CECR2: variants seen among roughly 807,000 people sequenced by gnomAD.
The protein encoded by CECR2 is CECR2 histone acetyl-lysine reader.
Under a neutral mutation model 154.5 loss-of-function variants are expected in CECR2, and 30 were observed. The ratio of observed to expected loss-of-function variants is 0.19; its 90% CI spans 0.15 to 0.26. CECR2 has a LOEUF of 0.26. Among genes scored for constraint, CECR2 ranks in the 10% least tolerant of loss-of-function variants. CECR2 has a pLI of 1.00. For synonymous variants in CECR2, 725 were observed against 683.7 expected (o/e 1.06, Z -0.94); for missense variants, 1,743 against 1,829.3 (o/e 0.95, Z 0.86).
intron 6 of CECR2, among the ~76,000 whole-genome samples, chr22:17,503,809 G>A (rs2055783096): frequency 6.6e-6 from 1 of 152,096 alleles, no homozygotes; most frequent in South Asian, 2.1e-4. Flanking sequence ...CACTTTGGGA[G>A]GTCGAGGTGG....
At chr22:17,440,155 A>G (rs2054563099) in intron 1 of CECR2, among the ~76,000 whole-genome samples, 1 of 152,134 alleles carries the variant, frequency 6.6e-6, no homozygotes, top group Non-Finnish European at 1.5e-5. Flanking sequence ...AAAATTGTAT[A>G]CAAACAACCC....
At chr22:17,483,252 G>A (rs967332994) in intron 2 of CECR2, among the ~76,000 whole-genome samples, 3 of 152,174 alleles carry the variant, frequency 2.0e-5, no homozygotes, top group African/African-American at 7.2e-5. Flanking sequence ...ATAGAAAACA[G>A]CTTATAGAAT....
chr22:17,436,815 T>C (rs1298743689), intron 1 of CECR2, among the ~76,000 whole-genome samples: 1 of 152,228 alleles, frequency 6.6e-6, no homozygotes, highest in African/African-American at 2.4e-5. Context: ...GGGTAATTAA[T>C]GTTTCCTTAA....
At chr22:17,498,629 A>G (rs907894362) in intron 3 of CECR2, among the ~76,000 whole-genome samples, 2 of 152,186 alleles carry the variant, frequency 1.3e-5, no homozygotes, top group Admixed American at 6.5e-5. Context: ...CCCCCGAGGT[A>G]AATTGGGAGC....
At chr22:17,512,001 C>G (rs2055965874) in intron 8 of CECR2, 105 bp downstream of exon 8, 1 of 845,740 alleles carries the variant, frequency 1.2e-6, no homozygotes, top group Admixed American at 2.5e-5. Flanking sequence ...ATTTTTTTTC[C>G]TAAACCCCAA....
chr22:17,407,977 T>C (rs1202222860), intron 1 of CECR2, among the ~76,000 whole-genome samples: 2 of 152,204 alleles, frequency 1.3e-5, no homozygotes, highest in Non-Finnish European at 2.9e-5. Flanking sequence ...TGACTAATAA[T>C]CTTGTCATCA....
intron 1 of CECR2, among the ~76,000 whole-genome samples, chr22:17,416,444 C>A (rs16982393): frequency 6.6e-6 from 1 of 152,042 alleles, no homozygotes; most frequent in Admixed American, 6.6e-5. Flanking sequence ...ATAAAATGGG[C>A]AAAACCAAAT....
intron 2 of CECR2, among the ~76,000 whole-genome samples, chr22:17,485,094 C>G (rs377132862): frequency 6.6e-6 from 1 of 152,304 alleles, no homozygotes; most frequent in East Asian, 1.9e-4. Flanking sequence ...ATGATACTGG[C>G]CAGCATGTCC....
intron 9 of CECR2, among the ~76,000 whole-genome samples, chr22:17,536,704 C>A (rs1173762665): frequency 6.6e-6 from 1 of 152,150 alleles, no homozygotes; most frequent in South Asian, 2.1e-4. Context: ...GCGGATGTTG[C>A]TTTTTTTAAG....
At chr22:17,447,663 A>AG (rs1229414335) in intron 1 of CECR2, among the ~76,000 whole-genome samples, 4 of 150,640 alleles carry the variant, frequency 2.7e-5, no homozygotes, top group Non-Finnish European at 5.9e-5. Flanking sequence ...AAAAAAAAAA[A>AG]AGAAAAGCCG....
intron 7 of CECR2, among the ~76,000 whole-genome samples, chr22:17,505,534 C>CTTTTT (rs11387639): frequency 5.3e-4 from 52 of 98,834 alleles, no homozygotes; most frequent in Non-Finnish European, 6.8e-4. Flanking sequence ...CCTCTTTTTC[C>CTTTTT]TTTTTTTTTT....
chr22:17,550,907 A>T (rs574128191), intron 17 of CECR2, among the ~76,000 whole-genome samples: 1 of 152,056 alleles, frequency 6.6e-6, no homozygotes, highest in South Asian at 2.1e-4. Flanking sequence ...ATGCCACTGC[A>T]CTCCAGCCTG....
chr22:17,542,773 A>G lies in CECR2; in HGVS notation c.2630A>G (p.Asp877Gly), dbSNP rs2056549272. The change falls in exon 16 of 19, where the codon GAC becomes GGC. Residue 877 changes from aspartate (D) to glycine (G), a missense_variant. Coordinates refer to ENST00000262608, the MANE Select transcript of CECR2 (RefSeq NM_001290047.2). ...AQALRGVQGG[D>G]SMMDSPEMIA... ...GCTCTTCGGGGGGTGCAGGGAGGGGACTCCATGATGGACAGCCCAGAGATG... is the reference window on the plus strand; with the variant it reads ...GCTCTTCGGGGGGTGCAGGGAGGGGGCTCCATGATGGACAGCCCAGAGATG... The G allele has an allele frequency of 3.1e-6, 5 of 1,613,326 alleles. No individual in the cohort carries two copies. In the African/African-American group the frequency reaches 6.7e-5, roughly 22 times the overall value.
In CECR2 at chr22:17,383,864, G is replaced by T. The variant is rs569131455; in HGVS notation, c.126+13955G>T. Among the ~76,000 whole-genome samples, 947 of 151,948 alleles carry T rather than the reference G, an allele frequency of 6.2e-3. 28 individuals carry two copies. Among genetic ancestry groups the T allele is most frequent in the Admixed American group, 0.055 (831 of 15,242 alleles). On this transcript the variant is annotated intron_variant, in intron 1 of 18. Coordinates refer to ENST00000262608, the MANE Select transcript of CECR2 (RefSeq NM_001290047.2). ...TTTTTTGGATTTTTACTATAGACAGGGTTTCACTATGTTGGCCAGGCTGGT... is the reference window on the plus strand; with the variant it reads ...TTTTTTGGATTTTTACTATAGACAGTGTTTCACTATGTTGGCCAGGCTGGT...
intron 9 of CECR2, among the ~76,000 whole-genome samples, chr22:17,524,689 GC>G (rs1157180545): frequency 3.3e-5 from 3 of 89,734 alleles, no homozygotes; most frequent in Non-Finnish European, 6.2e-5. Context: ...ACCATGCCTG[GC>G]CCTTTTTTTT....
chr22:17,371,116 C>G (rs145817696), intron 1 of CECR2, among the ~76,000 whole-genome samples: 1 of 152,178 alleles, frequency 6.6e-6, no homozygotes, highest in Non-Finnish European at 1.5e-5. Context: ...CTCTTTGCCT[C>G]ACCTTTATTT....
chr22:17,458,530 A>G (rs1212843941), intron 1 of CECR2, among the ~76,000 whole-genome samples: 2 of 151,476 alleles, frequency 1.3e-5, no homozygotes, highest in East Asian at 1.9e-4. Flanking sequence ...TTTCTTTTTA[A>G]TATTATAGTT....
intron 14 of CECR2, among the ~76,000 whole-genome samples, chr22:17,541,509 G>A (rs185132953): frequency 6.6e-5 from 10 of 152,190 alleles, no homozygotes; most frequent in African/African-American, 2.4e-4. Flanking sequence ...GTACATGAAT[G>A]TACAGTATAT....
chr22:17,424,945 G>C (rs2054308954), intron 1 of CECR2, among the ~76,000 whole-genome samples: 1 of 152,254 alleles, frequency 6.6e-6, no homozygotes, highest in Admixed American at 6.5e-5. Context: ...CCAGACAACA[G>C]AGAGGTCGAA....
Sources: gnomAD v4.1 joint callset for allele counts (sites outside exome capture counted in the v4.1 genomes callset) on GRCh38, gnomAD v4.1.1 for gene constraint, MANE v1.5 for transcripts, NCBI Gene and HGNC (gene_info 2026-07-23, HGNC 2026-07-21) for gene names.